Variants in PI15 observed in about 807,000 individuals in gnomAD.
PI15 encodes the protein 25 kDa trypsin inhibitor.
PI15 carries 18 observed loss-of-function variants against 31.0 expected under a neutral mutation model. The ratio of observed to expected loss-of-function variants is 0.58; its 90% CI spans 0.40 to 0.86. The LOEUF (loss-of-function observed/expected upper bound fraction) is 0.86. Among genes scored for constraint, PI15 ranks in the 40% least tolerant of loss-of-function variants. The pLI is 0.00. For missense variants in PI15, 282 were observed against 328.1 expected, an observed-to-expected ratio of 0.86 and a Z score of 1.09; for synonymous variants, 118 against 119.1, an observed-to-expected ratio of 0.99 and a Z score of 0.06.
intron 2 of PI15, among the ~76,000 whole-genome samples, chr8:74,840,987 G>A (rs1810937156): frequency 6.6e-6 from 1 of 151,960 alleles, no homozygotes; most frequent in East Asian, 1.9e-4. Flanking sequence ...ATATTTTTCA[G>A]GCATGAGCTT....
intron 5 of PI15, among the ~76,000 whole-genome samples, chr8:74,847,146 G>T (rs568417739): frequency 8.3e-4 from 126 of 152,188 alleles, no homozygotes; most frequent in Non-Finnish European, 1.5e-3. Flanking sequence ...ATAACTTTGG[G>T]TAAATGCATA....
At chr8:74,841,317 C>G (rs1298289964) in intron 2 of PI15, among the ~76,000 whole-genome samples, 2 of 152,268 alleles carry the variant, frequency 1.3e-5, no homozygotes, top group Admixed American at 1.3e-4. Context: ...TGCTCTGATG[C>G]TAGGGCTACT....
rs1810986316 is a variant in PI15, at chr8:74,844,118, G to A, written c.392+19G>A. 2 of 1,030,416 alleles carry A rather than the reference G, an allele frequency of 1.9e-6. No homozygotes were observed. The highest frequency in any genetic ancestry group is 3.1e-5 in the African/African-American group (2 of 63,782). 63.8% of individuals were successfully genotyped at this position (1,030,416 alleles called of 1,614,324 possible). On this transcript the variant is annotated intron_variant, in intron 3 of 5. Transcript: ENST00000260113. ...CTGGAAGGTAGGAAGTAATTTCACT[G>A]ATGCAGTTCATCCACATGGCTTTAT...
chr8:74,842,254 G>A (rs549086577), intron 2 of PI15, among the ~76,000 whole-genome samples: 1 of 152,096 alleles, frequency 6.6e-6, no homozygotes, highest in African/African-American at 2.4e-5. Flanking sequence ...AAGATCAATA[G>A]GACATTTACA....
At chr8:74,831,308 G>C (rs541845367) in intron 2 of PI15, among the ~76,000 whole-genome samples, 1 of 152,254 alleles carries the variant, frequency 6.6e-6, no homozygotes, top group East Asian at 1.9e-4. Context: ...TTTTTTGGTG[G>C]AAAATGATAT....
rs138405927 is a variant in PI15 at position 74,844,636 on chromosome 8, C to T, written c.393-492C>T. On this transcript the variant is annotated intron_variant, in intron 3 of 5. Transcript: ENST00000260113. ...ATTTGCTAGGATAATTTTTCTGCCA[C>T]TGTGCAAAGTCGTTATCCAACACTC... Among the ~76,000 whole-genome samples the T allele has an allele frequency of 4.3e-3, 657 of 152,188 alleles. 11 individuals are homozygous for T. Among genetic ancestry groups the T allele is most frequent in the African/African-American group, 8.8e-3 (364 of 41,526 alleles).
chr8:74,837,112 C>T (rs1810883687), intron 2 of PI15, among the ~76,000 whole-genome samples: 1 of 152,240 alleles, frequency 6.6e-6, no homozygotes, highest in African/African-American at 2.4e-5. Context: ...TAATACTCAT[C>T]TTATTTAAGG....
rs754890653 is a variant in PI15 at position 74,852,435 on chromosome 8, G to A, written c.*3182G>A. On this transcript the variant is annotated 3_prime_UTR_variant, in exon 6 of 6. Transcript: ENST00000260113. Reference sequence around the variant, plus strand: ...AGTTTGCTCAAAAAATGTGGATGAAGCCATTATTGTTATTATTGTTATTGC... The same window carrying A: ...AGTTTGCTCAAAAAATGTGGATGAAACCATTATTGTTATTATTGTTATTGC... 2.0e-5 allele frequency: 3 copies of A among 152,084 alleles called. No homozygotes were observed. The highest frequency in any genetic ancestry group is 4.4e-5 in the Non-Finnish European group (3 of 67,958). 9.4% of individuals were successfully genotyped at this position (152,084 alleles called of 1,614,324 possible). A position where few individuals can be genotyped will look rare whatever the true frequency, so the allele number is the denominator to read the frequency against.
intron 2 of PI15, among the ~76,000 whole-genome samples, chr8:74,842,932 T>C (rs1810965162): frequency 6.6e-6 from 1 of 152,194 alleles, no homozygotes. Flanking sequence ...TTTATTAGTT[T>C]GTTTCTAGTT....
In PI15 at chr8:74,854,365, GC is replaced by G. The variant is rs1167354290; in HGVS notation, c.*5113del. ...ACCTTTTCTATGAACTAAATCACAT[GC>G]AAAACTCCAACCTGTAGTATACATA... On this transcript the variant is annotated 3_prime_UTR_variant, in exon 6 of 6. Transcript: ENST00000260113. The G allele has an allele frequency of 6.6e-6, 1 of 152,070 alleles. No homozygotes were observed. Among genetic ancestry groups the G allele is most frequent in the South Asian group, 2.1e-4 (1 of 4,822 alleles). The allele number at this position is 152,070 out of a possible 1,614,324, so 9.4% of individuals were successfully genotyped here. A position where few individuals can be genotyped will look rare whatever the true frequency, so the allele number is the denominator to read the frequency against.
intron 2 of PI15, among the ~76,000 whole-genome samples, chr8:74,840,147 T>C (rs1488521372): frequency 6.6e-6 from 1 of 152,178 alleles, no homozygotes; most frequent in Non-Finnish European, 1.5e-5. Context: ...CATGTGATAA[T>C]TTAATACATT....
chr8:74,849,303 G>GTATA lies in PI15; in HGVS notation c.*60_*63dup, dbSNP rs141226749. The GTATA allele has an allele frequency of 5.6e-5, 74 of 1,323,552 alleles. No homozygotes were observed. Among genetic ancestry groups the GTATA allele is most frequent in the African/African-American group, 1.2e-4 (8 of 67,184 alleles). The allele number at this position is 1,323,552 out of a possible 1,614,324, so 82.0% of individuals were successfully genotyped here. A position where few individuals can be genotyped will look rare whatever the true frequency, so the allele number is the denominator to read the frequency against. On this transcript the variant is annotated 3_prime_UTR_variant, in exon 6 of 6. Coordinates refer to ENST00000260113, the MANE Select transcript of PI15 (RefSeq NM_015886.5). ...TAATGATTTCTGGGAACATGGGCAT[G>GTATA]TATATATATATATGGAGAGAGAATT...
chr8:74,844,386 C>T (rs1229243824), intron 3 of PI15, among the ~76,000 whole-genome samples: 1 of 151,580 alleles, frequency 6.6e-6, no homozygotes, highest in Non-Finnish European at 1.5e-5. Flanking sequence ...CTGTATCTTG[C>T]CCCCTCCATC....
intron 2 of PI15, among the ~76,000 whole-genome samples, chr8:74,835,841 A>G (rs1038249025): frequency 2.0e-5 from 3 of 152,228 alleles, no homozygotes; most frequent in Admixed American, 2.0e-4. Flanking sequence ...TCAACAAGCT[A>G]TTTAAATACT....
chr8:74,828,651 C>G (rs17292445), intron 2 of PI15, among the ~76,000 whole-genome samples: 32,132 of 152,018 alleles, frequency 0.21, 4,057 homozygotes, highest in Middle Eastern at 0.29. Flanking sequence ...ACCTCAGAAA[C>G]TTAGGACACC....
chr8:74,830,179 G>C (rs754897831), intron 2 of PI15, among the ~76,000 whole-genome samples: 1 of 151,942 alleles, frequency 6.6e-6, no homozygotes, highest in Non-Finnish European at 1.5e-5. Flanking sequence ...AGAACTCCCT[G>C]AAGTGTCATG....
chr8:74,851,492 G>T lies in PI15; in HGVS notation c.*2239G>T, dbSNP rs1811103322. ...GGTTCTTATGAAGGTAAATTTACCA[G>T]ATTAATAAAAATTTATGAATATTAA... On this transcript the variant is annotated 3_prime_UTR_variant, in exon 6 of 6. Transcript: ENST00000260113. 1 of 151,840 alleles carries T rather than the reference G, an allele frequency of 6.6e-6. No individual in the cohort carries two copies. Among genetic ancestry groups the T allele is most frequent in the Non-Finnish European group, 1.5e-5 (1 of 67,872 alleles). 9.4% of individuals were successfully genotyped at this position (151,840 alleles called of 1,614,324 possible).
intron 2 of PI15, chr8:74,826,374 T>G (rs1810700625): frequency 6.9e-5 from 36 of 519,476 alleles, no homozygotes; most frequent in Non-Finnish European, 8.9e-5. Context: ...GGGGAGGGGG[T>G]ACCACTAACA....
At chr8:74,828,662 C>G (rs1333904262) in intron 2 of PI15, among the ~76,000 whole-genome samples, 1 of 152,058 alleles carries the variant, frequency 6.6e-6, no homozygotes, top group Non-Finnish European at 1.5e-5. Context: ...TTAGGACACC[C>G]CTCACTTGAT....
Sources: allele counts gnomAD v4.1 joint callset (sites outside exome capture counted in the v4.1 genomes callset), GRCh38; gene constraint gnomAD v4.1.1; transcripts MANE v1.5; gene names NCBI Gene and HGNC (gene_info 2026-07-23, HGNC 2026-07-21).